The following FAM3D variants were observed in gnomAD, a reference collection of about 807,000 sequenced individuals.
FAM3D encodes the protein FAM3 metabolism regulating signaling molecule D.
In FAM3D, 26 loss-of-function variants were observed where a neutral mutation model predicts 29.8. The observed-to-expected ratio is 0.87, with a 90% CI of 0.64 to 1.21. FAM3D has a LOEUF of 1.21. FAM3D is among the 50% of genes most tolerant of loss of function. The pLI is 0.00. For missense variants in FAM3D, 253 were observed against 290.9 expected (o/e 0.87, Z 0.95); for synonymous variants, 115 against 102.3 (o/e 1.12, Z -0.75).
At chr3:58,656,409 C>A (rs772204403) in intron 1 of FAM3D, among the ~76,000 whole-genome samples, 1 of 152,186 alleles carries the variant, frequency 6.6e-6, no homozygotes, top group Non-Finnish European at 1.5e-5. Flanking sequence ...TGTCCTACTG[C>A]GGTCTCACTG....
chr3:58,648,419 G>A (rs1575481230), intron 4 of FAM3D, among the ~76,000 whole-genome samples: 1 of 152,260 alleles, frequency 6.6e-6, no homozygotes, highest in East Asian at 1.9e-4. Flanking sequence ...TGCAAAGAGG[G>A]GTTGAGGGGG....
chr3:58,663,034 G>A (rs1343463570), intron 1 of FAM3D, among the ~76,000 whole-genome samples: 7 of 152,232 alleles, frequency 4.6e-5, no homozygotes, highest in Non-Finnish European at 8.8e-5. Flanking sequence ...CAGTAGCTGG[G>A]ACTACAGGCA....
chr3:58,643,752 G>A lies in FAM3D; in HGVS notation c.264-32C>T, dbSNP rs375099040. 30 of 1,607,574 alleles carry A rather than the reference G, an allele frequency of 1.9e-5. No homozygotes were observed. In the African/African-American group the frequency reaches 2.9e-4, roughly 16 times the overall value. On this transcript the variant is annotated intron_variant, in intron 5 of 9. Transcript: ENST00000358781. ...ACAATGAAGAAGAAATATGACAGTCGGTCCCGAGTGTGGAATGAACACTCT... is the reference window on the plus strand; with the variant it reads ...ACAATGAAGAAGAAATATGACAGTCAGTCCCGAGTGTGGAATGAACACTCT...
Position 58,634,175 on chromosome 3 carries a change from AC to A in FAM3D, c.*103del. On this transcript the variant is annotated 3_prime_UTR_variant, in exon 10 of 10. Coordinates refer to ENST00000358781, the MANE Select transcript of FAM3D (RefSeq NM_138805.3). The surrounding 1 kb of genome is among the most constrained non-coding windows in gnomAD (Gnocchi z 4.6). ...CGTGCAAGGACCTGCAGCACCTTCCACGCAGCACCCCCTGCTCCTCCTCCTC... is the reference window on the plus strand; with the variant it reads ...CGTGCAAGGACCTGCAGCACCTTCCAGCAGCACCCCCTGCTCCTCCTCCTC... The A allele has an allele frequency of 3.9e-6, 4 of 1,031,630 alleles. No individual in the cohort carries two copies. The highest frequency in any genetic ancestry group is 4.3e-6 in the Non-Finnish European group (3 of 694,270). 63.9% of individuals were successfully genotyped at this position (1,031,630 alleles called of 1,614,324 possible).
chr3:58,640,423 C>T (rs1420632181), intron 6 of FAM3D, among the ~76,000 whole-genome samples: 1 of 152,140 alleles, frequency 6.6e-6, no homozygotes, highest in African/African-American at 2.4e-5. Context: ...CAGTCTGAGT[C>T]GGTGTTCTGT....
At chr3:58,659,873 A>C (rs754037954) in intron 1 of FAM3D, among the ~76,000 whole-genome samples, 7 of 152,188 alleles carry the variant, frequency 4.6e-5, no homozygotes, top group Non-Finnish European at 8.8e-5. Context: ...CTAGGACCTA[A>C]CTAGTCTCTT....
In FAM3D at chr3:58,634,338, A is replaced by G. The variant is rs775842223; in HGVS notation, c.616T>C (p.Tyr206His). The change falls in exon 10 of 10, where the codon TAC (tyrosine) becomes CAC (histidine). Residue 206 changes from tyrosine to histidine, a missense_variant. Transcript: ENST00000358781. This position sits in a 1 kb window ranked among gnomAD's most constrained non-coding sequence, Gnocchi z 4.6. ...TCCAGCAGCTCTGGCCATCCCTCGTATTTGTTTGTGTCTGGGCTGTTCTTT... is the reference window on the plus strand; with the variant it reads ...TCCAGCAGCTCTGGCCATCCCTCGTGTTTGTTTGTGTCTGGGCTGTTCTTT... ...FLKNSPDTNKYEGWPELLEME... is the reference protein window; with the variant it reads ...FLKNSPDTNKHEGWPELLEME... The G allele has an allele frequency of 3.4e-5, 55 of 1,613,886 alleles. No homozygotes were observed. Among genetic ancestry groups the G allele is most frequent in the Non-Finnish European group, 4.3e-5 (51 of 1,180,000 alleles).
intron 1 of FAM3D, among the ~76,000 whole-genome samples, chr3:58,664,266 C>A (rs1397755557): frequency 6.6e-6 from 1 of 152,210 alleles, no homozygotes; most frequent in Non-Finnish European, 1.5e-5. Flanking sequence ...CCTCCATATG[C>A]GTTGCCCAGT....
chr3:58,665,977 C>G (rs1469146113), intron 1 of FAM3D, among the ~76,000 whole-genome samples: 1 of 152,190 alleles, frequency 6.6e-6, no homozygotes, highest in Non-Finnish European at 1.5e-5. Flanking sequence ...AAGGGACTAG[C>G]TCAATATTAC....
chr3:58,653,522 TG>T (rs1166633995), intron 3 of FAM3D, 151 bp downstream of exon 3: 10 of 747,016 alleles, frequency 1.3e-5, no homozygotes, highest in Non-Finnish European at 1.8e-5. Flanking sequence ...CCTGGTAGTC[TG>T]GGGGTGCCCC....
At chr3:58,652,495 T>C (rs1039909169) in intron 3 of FAM3D, among the ~76,000 whole-genome samples, 1 of 145,186 alleles carries the variant, frequency 6.9e-6, no homozygotes, top group Non-Finnish European at 1.5e-5. Context: ...CATCCACCCT[T>C]CCCTCCATCT....
chr3:58,662,123 AC>A lies in FAM3D; in HGVS notation c.-39+4452del, dbSNP rs1293551105. On this transcript the variant is annotated intron_variant, in intron 1 of 9. Transcript: ENST00000358781. ...GCTGGGTGTGTTTTCCCCAGAGAGGACAAACTGGATCAGGGTGGGGCTGGGT... is the reference window on the plus strand; with the variant it reads ...GCTGGGTGTGTTTTCCCCAGAGAGGAAAACTGGATCAGGGTGGGGCTGGGT... Among the ~76,000 whole-genome samples the A allele has an allele frequency of 1.9e-4, 28 of 150,904 alleles. No homozygotes were observed. The East Asian group carries it at 5.1e-3, about 28-fold the overall frequency.
intron 7 of FAM3D, among the ~76,000 whole-genome samples, chr3:58,639,862 G>A (rs1293552461): frequency 1.3e-5 from 2 of 152,168 alleles, no homozygotes; most frequent in South Asian, 2.1e-4. Context: ...CCCATCTGAC[G>A]TTTCCTGAGC....
intron 4 of FAM3D, among the ~76,000 whole-genome samples, chr3:58,647,138 G>A (rs896710276): frequency 1.3e-5 from 2 of 152,220 alleles, no homozygotes; most frequent in African/African-American, 4.8e-5. Context: ...GGAAATGCCT[G>A]TCCAGGGCTC....
intron 7 of FAM3D, among the ~76,000 whole-genome samples, chr3:58,639,130 T>C (rs1370649764): frequency 6.6e-6 from 1 of 152,198 alleles, no homozygotes; most frequent in Admixed American, 6.5e-5. Flanking sequence ...CTTTACGCTT[T>C]TTTTCCTTTT....
At chr3:58,661,684 C>G (rs910234529) in intron 1 of FAM3D, among the ~76,000 whole-genome samples, 6 of 152,184 alleles carry the variant, frequency 3.9e-5, no homozygotes, top group African/African-American at 1.4e-4. Context: ...ACAGTCCTCT[C>G]TCGGCCTCAG....
At chr3:58,654,661 G>T (rs1392757088) in intron 2 of FAM3D, among the ~76,000 whole-genome samples, 3 of 150,882 alleles carry the variant, frequency 2.0e-5, no homozygotes, top group Admixed American at 6.6e-5. Context: ...CCCAGCTGTG[G>T]CACCCCTCCC....
chr3:58,662,702 C>T (rs1428153174), intron 1 of FAM3D, among the ~76,000 whole-genome samples: 1 of 152,142 alleles, frequency 6.6e-6, no homozygotes, highest in East Asian at 1.9e-4. Flanking sequence ...GTTCCCCCTT[C>T]TTCTGCTGAC....
intron 1 of FAM3D, among the ~76,000 whole-genome samples, chr3:58,664,833 C>G (rs532208162): frequency 6.6e-6 from 1 of 152,350 alleles, no homozygotes; most frequent in Admixed American, 6.5e-5. Context: ...TCCAGGGCAC[C>G]TGCCCTCTGG....
Sources: allele counts gnomAD v4.1 joint callset (sites outside exome capture counted in the v4.1 genomes callset), GRCh38; gene constraint gnomAD v4.1.1; non-coding constraint Gnocchi (gnomAD v3.1); transcripts MANE v1.5; gene names NCBI Gene and HGNC (gene_info 2026-07-23, HGNC 2026-07-21).